The following VCAM1 variants were observed in gnomAD, a reference collection of about 807,000 sequenced individuals.
The protein encoded by VCAM1 is vascular cell adhesion protein 1.
Under a neutral mutation model 63.8 loss-of-function variants are expected in VCAM1, and 41 were observed. That is an observed-to-expected ratio of 0.64 (90% CI 0.50 to 0.83). The LOEUF is 0.83. VCAM1 is among the 40% of genes least tolerant of loss of function. The pLI is 0.00. For synonymous variants in VCAM1, 338 were observed against 320.7 expected (o/e 1.05, Z -0.58); for missense variants, 798 against 875.5 (o/e 0.91, Z 1.12).
At chr1:100,727,043 CTG>C (rs57979614) in intron 4 of VCAM1, among the ~76,000 whole-genome samples, 69,686 of 147,606 alleles carry the variant, frequency 0.47, 17,550 homozygotes, top group South Asian at 0.7. Flanking sequence ...ATCAGGAATT[CTG>C]TGTGTGTGTG....
chr1:100,730,706 G>C (rs1383412971), intron 5 of VCAM1, among the ~76,000 whole-genome samples: 2 of 152,090 alleles, frequency 1.3e-5, no homozygotes, highest in Non-Finnish European at 2.9e-5. Flanking sequence ...TATAATGTGT[G>C]AAGAAAGTCT....
chr1:100,723,064 G>T lies in VCAM1; in HGVS notation c.385G>T (p.Ala129Ser), dbSNP rs747609710. The change falls in exon 3 of 9, where the codon GCT (alanine) becomes TCT (serine). Residue 129 changes from alanine (A) to serine (S), a missense_variant. Coordinates refer to ENST00000294728, the MANE Select transcript of VCAM1 (RefSeq NM_001078.4). ...PEIHLSGPLE[A>S]GKPITVKCSV... ...GATTCATTTGAGTGGCCCTCTGGAG[G>T]CTGGGAAGCCGATCACAGTCAAGTG... The T allele has an allele frequency of 6.2e-7, 1 of 1,612,492 alleles. No homozygotes were observed. The highest frequency in any genetic ancestry group is 1.3e-5 in the African/African-American group (1 of 74,842).
chr1:100,723,436 T>G, intron 3 of VCAM1, 96 bp downstream of exon 3: 1 of 1,194,778 alleles, frequency 8.4e-7, no homozygotes, highest in Admixed American at 2.5e-5. Flanking sequence ...AAAAAAAAAC[T>G]TGTATATAGT....
In VCAM1 at chr1:100,731,770, G is replaced by A. The variant is rs1660465589; in HGVS notation, c.1525+252G>A. Among the ~76,000 whole-genome samples, 1 of 152,164 alleles carries A rather than the reference G, an allele frequency of 6.6e-6. No individual in the cohort carries two copies. The highest frequency in any genetic ancestry group is 2.4e-5 in the African/African-American group (1 of 41,458). On this transcript the variant is annotated intron_variant, in intron 6 of 8. Transcript: ENST00000294728. This position sits in a 1 kb window ranked among gnomAD's most constrained non-coding sequence, Gnocchi z 4.2. ...GCTAGGCAGTTATTCTGTTCAATAT[G>A]GTATTAGCTGAGCTCACTCGTGCAT...
At chr1:100,727,585 T>C (rs1325117312) in intron 4 of VCAM1, among the ~76,000 whole-genome samples, 1 of 152,102 alleles carries the variant, frequency 6.6e-6, no homozygotes, top group Non-Finnish European at 1.5e-5. Flanking sequence ...GGGATACTAC[T>C]GGCCTAAAGT....
chr1:100,736,227 C>T (rs541868755), intron 8 of VCAM1: 16 of 152,258 alleles, frequency 1.1e-4, no homozygotes, highest in South Asian at 4.1e-4. Context: ...ACTTTTTACT[C>T]ATTATTTAAA....
At position 100,723,230 on chromosome 1, in the gene VCAM1, CT is replaced by C; in HGVS notation, c.552del (p.Val185SerfsTer26). On this transcript the variant is annotated frameshift_variant, in exon 3 of 9. Transcript: ENST00000294728. LOFTEE classifies it high-confidence loss of function. ...AAGAGTTTGGAAGTAACCTTTACTC[CT>C]GTCATTGAGGATATTGGAAAAGTTC... The part of the protein sequence containing the change: ...ETKSLEVTFT[P>X]VIEDIGKVLV... 6.2e-7 allele frequency: 1 copy of C among 1,613,072 alleles called. No homozygotes were observed. The highest frequency in any genetic ancestry group is 8.5e-7 in the Non-Finnish European group (1 of 1,179,404).
intron 7 of VCAM1, 29 bp downstream of exon 7, chr1:100,732,713 C>T (rs770253315): frequency 4.6e-6 from 7 of 1,518,954 alleles, no homozygotes; most frequent in Admixed American, 2.3e-5. Flanking sequence ...ATGAGTTATC[C>T]TTGCTAGTAA....
intron 8 of VCAM1, chr1:100,737,417 T>C (rs1201174191): frequency 6.6e-6 from 1 of 152,164 alleles, no homozygotes; most frequent in African/African-American, 2.4e-5. Context: ...GAAAATATAT[T>C]GAGGTTCTTA....
intron 7 of VCAM1, among the ~76,000 whole-genome samples, 179 bp downstream of exon 7, chr1:100,732,863 T>C (rs1263291662): frequency 6.6e-6 from 1 of 152,228 alleles, no homozygotes; most frequent in South Asian, 2.1e-4. Context: ...TTCTCATGAA[T>C]TGTTACAAGT....
At chr1:100,737,850 C>A in intron 8 of VCAM1, 2 of 236,388 alleles carry the variant, frequency 8.5e-6, no homozygotes, top group Non-Finnish European at 1.6e-5. Flanking sequence ...CCCTCCCTTC[C>A]ATTTTACAAC....
At chr1:100,737,282 A>C (rs1660688794) in intron 8 of VCAM1, 1 of 152,208 alleles carries the variant, frequency 6.6e-6, no homozygotes, top group Non-Finnish European at 1.5e-5. Flanking sequence ...AAAAGAAAAT[A>C]GATATACATG....
rs1157633928 is a variant in VCAM1, at chr1:100,724,783, C to T, written c.821C>T (p.Ala274Val). The T allele has an allele frequency of 6.2e-7, 1 of 1,612,830 alleles. No homozygotes were observed. The highest frequency in any genetic ancestry group is 8.5e-7 in the Non-Finnish European group (1 of 1,179,432). ...AATCTACAGCACCTTTCTGGAAATG[C>T]AACTCTCACCTTAATTGCTATGAGG... is the stretch of plus-strand genomic sequence containing the variant. ...NGNLQHLSGN[A>V]TLTLIAMRME... Residue 274 changes from alanine (A) to valine (V), a missense_variant, in exon 4 of 9, where the codon GCA becomes GTA. Coordinates refer to ENST00000294728, the MANE Select transcript of VCAM1 (RefSeq NM_001078.4).
intron 4 of VCAM1, among the ~76,000 whole-genome samples, chr1:100,728,134 C>T (rs960317886): frequency 5.3e-5 from 8 of 152,002 alleles, no homozygotes; most frequent in Non-Finnish European, 8.8e-5. Flanking sequence ...CAAAAGAAGC[C>T]CATGCACCCA....
At chr1:100,721,286 G>A (rs1395306948) in intron 2 of VCAM1, among the ~76,000 whole-genome samples, 1 of 151,964 alleles carries the variant, frequency 6.6e-6, no homozygotes, top group African/African-American at 2.4e-5. Context: ...TTTGACTTTG[G>A]TGTTGACACA....
rs1557901000 is a variant in VCAM1 at position 100,720,720 on chromosome 1, A to G, written c.309A>G (p.Lys103=). The stretch of plus-strand genomic sequence containing the variant: ...GCACAGCAACTTGTGAATCTAGGAA[A>G]TTGGAAAAAGGAATCCAGGTGGAGA... ...YLCTATCESR[K]LEKGIQVEIY... The change falls in exon 2 of 9, where the codon AAA becomes AAG. Residue 103 remains lysine (K), a synonymous_variant. Coordinates refer to ENST00000294728, the MANE Select transcript of VCAM1 (RefSeq NM_001078.4). The G allele has an allele frequency of 6.2e-7, 1 of 1,612,708 alleles. No individual in the cohort carries two copies. The highest frequency in any genetic ancestry group is 8.5e-7 in the Non-Finnish European group (1 of 1,179,098).
At chr1:100,720,898 A>G in intron 2 of VCAM1, 147 bp downstream of exon 2, 3 of 978,328 alleles carry the variant, frequency 3.1e-6, no homozygotes, top group Non-Finnish European at 4.3e-6. Context: ...AGCTAGGGAC[A>G]GCTAAGGCCA....
intron 5 of VCAM1, among the ~76,000 whole-genome samples, chr1:100,730,874 C>A (rs962583464): frequency 2.0e-5 from 3 of 151,920 alleles, no homozygotes; most frequent in Non-Finnish European, 4.4e-5. Flanking sequence ...TATATACTTA[C>A]TAAATAAGAT....
intron 8 of VCAM1, chr1:100,735,978 G>GT (rs1660634723): frequency 6.6e-6 from 1 of 152,182 alleles, no homozygotes; most frequent in Non-Finnish European, 1.5e-5. Flanking sequence ...TGCAATCTCA[G>GT]TTATGAGTAG....
Sources: allele counts gnomAD v4.1 joint callset (sites outside exome capture counted in the v4.1 genomes callset), GRCh38; gene constraint gnomAD v4.1.1; non-coding constraint Gnocchi (gnomAD v3.1); transcripts MANE v1.5; gene names NCBI Gene and HGNC (gene_info 2026-07-23, HGNC 2026-07-21).